The following KLHL1 variants were observed in gnomAD, a reference collection of about 807,000 sequenced individuals.
The protein encoded by KLHL1 is kelch-like protein 1.
In KLHL1, 47 loss-of-function variants were observed where a neutral mutation model predicts 77.7. The ratio of observed to expected loss-of-function variants is 0.60; its 90% confidence interval spans 0.48 to 0.77. KLHL1 has a LOEUF of 0.77. Among genes scored for constraint, KLHL1 ranks in the 30% least tolerant of loss-of-function variants. KLHL1 has a pLI of 0.00. For missense variants in KLHL1, 925 were observed against 910.8 expected (o/e 1.02, Z -0.20); for synonymous variants, 360 against 325.2 (o/e 1.11, Z -1.15).
At chr13:69,959,558 A>T (rs1168094824) in intron 3 of KLHL1, among the ~76,000 whole-genome samples, 1 of 50,750 alleles carries the variant, frequency 2.0e-5, no homozygotes, top group Non-Finnish European at 4.1e-5. Context: ...ACTACTCATT[A>T]AAAAAAAAAA....
In KLHL1 at chr13:69,965,269, C is replaced by A. The variant is rs140482310; in HGVS notation, c.681-3825G>T. 1.6e-3 allele frequency among the ~76,000 whole-genome samples: 239 copies of A among 152,290 alleles called. 1 individual carries two copies. Among genetic ancestry groups the A allele is most frequent in the African/African-American group, 5.6e-3 (233 of 41,572 alleles). The stretch of plus-strand genomic sequence containing the variant: ...AACCAGTTTTCCAACAGCATGGGCT[C>A]ACTTCATGTATCTTGGTCACATTTT... On this transcript the variant is annotated intron_variant, in intron 2 of 10. Coordinates refer to ENST00000377844, the MANE Select transcript of KLHL1 (RefSeq NM_020866.3).
intron 9 of KLHL1, among the ~76,000 whole-genome samples, chr13:69,718,970 AGAAGC>A (rs1872903952): frequency 6.6e-6 from 1 of 152,166 alleles, no homozygotes; most frequent in Non-Finnish European, 1.5e-5. Flanking sequence ...AATAGAACAC[AGAAGC>A]AAAATATCCA....
intron 4 of KLHL1, among the ~76,000 whole-genome samples, chr13:69,923,005 G>T (rs1444797155): frequency 6.6e-6 from 1 of 152,084 alleles, no homozygotes; most frequent in African/African-American, 2.4e-5. Context: ...ATTACATAAT[G>T]AATTATTTAA....
intron 7 of KLHL1, among the ~76,000 whole-genome samples, chr13:69,775,783 C>T (rs768098358): frequency 2.0e-5 from 3 of 151,740 alleles, no homozygotes; most frequent in East Asian, 1.9e-4. Flanking sequence ...CTCTGCCTCC[C>T]GGGTTCAAGC....
intron 6 of KLHL1, among the ~76,000 whole-genome samples, chr13:69,807,686 G>T (rs1310675398): frequency 6.6e-6 from 1 of 152,188 alleles, no homozygotes; most frequent in Non-Finnish European, 1.5e-5. Context: ...TGGAGAGCTT[G>T]CTCTGGAATG....
chr13:69,780,170 T>C (rs905181604), intron 7 of KLHL1, among the ~76,000 whole-genome samples: 10 of 152,172 alleles, frequency 6.6e-5, no homozygotes, highest in Non-Finnish European at 1.5e-4. Context: ...AGTGTGTATA[T>C]TTGTGTATGT....
At chr13:69,823,889 G>A (rs890734138) in intron 6 of KLHL1, among the ~76,000 whole-genome samples, 2 of 151,822 alleles carry the variant, frequency 1.3e-5, no homozygotes, top group African/African-American at 4.8e-5. Flanking sequence ...GTGTAATAGA[G>A]TAAATTAAAT....
At chr13:69,773,213 G>C (rs538621012) in intron 7 of KLHL1, among the ~76,000 whole-genome samples, 2 of 151,940 alleles carry the variant, frequency 1.3e-5, no homozygotes, top group African/African-American at 4.8e-5. Flanking sequence ...TACACTTTAA[G>C]GGAATATAAT....
At chr13:70,011,450 T>A (rs2033989) in intron 1 of KLHL1, among the ~76,000 whole-genome samples, 82,519 of 151,994 alleles carry the variant, frequency 0.54, 22,661 homozygotes, top group Non-Finnish European at 0.58. Flanking sequence ...CTTATTGATA[T>A]TTTGTTTGCC....
intron 1 of KLHL1, among the ~76,000 whole-genome samples, chr13:70,040,518 G>GA (rs1327992811): frequency 6.6e-6 from 1 of 152,158 alleles, no homozygotes; most frequent in Non-Finnish European, 1.5e-5. Context: ...TTAGGCACTT[G>GA]AAAACTATTG....
At chr13:69,892,436 G>C (rs939312645) in intron 4 of KLHL1, among the ~76,000 whole-genome samples, 1 of 152,116 alleles carries the variant, frequency 6.6e-6, no homozygotes, top group African/African-American at 2.4e-5. Context: ...ACTAGAAAAA[G>C]AAAGTTGTAA....
chr13:70,073,495 C>T (rs1415518066), intron 1 of KLHL1, among the ~76,000 whole-genome samples: 1 of 151,920 alleles, frequency 6.6e-6, no homozygotes, highest in Non-Finnish European at 1.5e-5. Context: ...AAACATGTCA[C>T]ATGTGTACAT....
intron 1 of KLHL1, among the ~76,000 whole-genome samples, chr13:70,070,152 GA>G (rs200077831): frequency 0.21 from 29,198 of 138,896 alleles, 2,971 homozygotes; most frequent in Admixed American, 0.29. Context: ...GACTCGTCTC[GA>G]AAAAAAAAAA....
chr13:69,790,265 T>C (rs1665359745), intron 7 of KLHL1, among the ~76,000 whole-genome samples: 1 of 152,124 alleles, frequency 6.6e-6, no homozygotes, highest in African/African-American at 2.4e-5. Context: ...CTCTGGAAAC[T>C]AAAAATAAGG....
At chr13:69,929,873 ACTTTGTT>A (rs1298532837) in intron 4 of KLHL1, among the ~76,000 whole-genome samples, 1 of 151,748 alleles carries the variant, frequency 6.6e-6, no homozygotes, top group Admixed American at 6.6e-5. Flanking sequence ...TATACTCAGG[ACTTTGTT>A]CTTTGATCAA....
chr13:69,721,599 T>C (rs1439015280), intron 8 of KLHL1, among the ~76,000 whole-genome samples: 1 of 152,088 alleles, frequency 6.6e-6, no homozygotes, highest in Non-Finnish European at 1.5e-5. Flanking sequence ...GAAGACAGTA[T>C]TACTTAGCAT....
At chr13:69,869,899 A>G (rs1293579088) in intron 5 of KLHL1, among the ~76,000 whole-genome samples, 1 of 152,202 alleles carries the variant, frequency 6.6e-6, no homozygotes, top group Non-Finnish European at 1.5e-5. Context: ...GTGAGTAATG[A>G]TTATTACAAA....
rs191271040 is a variant in KLHL1, at chr13:69,800,841, C to T, written c.1415-3879G>A. Among the ~76,000 whole-genome samples the T allele has an allele frequency of 2.6e-3, 402 of 152,090 alleles. 1 individual carries two copies. Among genetic ancestry groups the T allele is most frequent in the Admixed American group, 0.019 (296 of 15,266 alleles). On this transcript the variant is annotated intron_variant, in intron 6 of 10. Coordinates refer to ENST00000377844, the MANE Select transcript of KLHL1 (RefSeq NM_020866.3). Reference sequence around the variant, plus strand: ...CCTTTGTTGTCCCTTAGAGAAAAACCAATATTTATCATAATATAGATTACA... The same window carrying T: ...CCTTTGTTGTCCCTTAGAGAAAAACTAATATTTATCATAATATAGATTACA...
At chr13:70,001,450 G>A (rs971501576) in intron 1 of KLHL1, among the ~76,000 whole-genome samples, 1 of 151,136 alleles carries the variant, frequency 6.6e-6, no homozygotes, top group Non-Finnish European at 1.5e-5. Flanking sequence ...GAGAAGTAAA[G>A]TATAAGCTAA....
Sources: allele counts gnomAD v4.1 joint callset (sites outside exome capture counted in the v4.1 genomes callset), GRCh38; gene constraint gnomAD v4.1.1; transcripts MANE v1.5; gene names NCBI Gene and HGNC (gene_info 2026-07-23, HGNC 2026-07-21).